The following OSBP2 variants were observed in gnomAD, a reference collection of about 807,000 sequenced individuals.
OSBP2 encodes oxysterol-binding protein 2.
In OSBP2, 66 loss-of-function variants were observed where a neutral mutation model predicts 96.0. That is an observed-to-expected ratio of 0.69 (90% confidence interval 0.56 to 0.84). The LOEUF is 0.84. Among genes scored for constraint, OSBP2 ranks in the 40% least tolerant of loss-of-function variants. OSBP2 has a pLI of 0.00. For synonymous variants in OSBP2, 525 were observed against 520.9 expected (o/e 1.01, Z -0.11); for missense variants, 1,038 against 1,222.7 (o/e 0.85, Z 2.25).
At chr22:30,782,337 C>T (rs1423429101) in intron 2 of OSBP2, among the ~76,000 whole-genome samples, 1 of 152,168 alleles carries the variant, frequency 6.6e-6, no homozygotes, top group Non-Finnish European at 1.5e-5. Context: ...AACCACTAAT[C>T]TACTTTCTTG....
intron 1 of OSBP2, among the ~76,000 whole-genome samples, chr22:30,702,053 C>G (rs1425209971): frequency 6.6e-6 from 1 of 152,186 alleles, no homozygotes; most frequent in Non-Finnish European, 1.5e-5. Flanking sequence ...CTCCTAACTC[C>G]TCTTTCTATG....
chr22:30,741,823 T>C (rs999349175), intron 2 of OSBP2, among the ~76,000 whole-genome samples: 2 of 150,098 alleles, frequency 1.3e-5, no homozygotes, highest in Admixed American at 1.3e-4. Flanking sequence ...ACTTTATAAA[T>C]TTATTTTATT....
At chr22:30,801,926 A>G (rs1391748254) in intron 2 of OSBP2, among the ~76,000 whole-genome samples, 2 of 152,326 alleles carry the variant, frequency 1.3e-5, no homozygotes, top group East Asian at 1.9e-4. Flanking sequence ...GCAGTGAGCT[A>G]TGATCATGTC....
In OSBP2 at chr22:30,709,190, C is replaced by T. The variant is rs182770210; in HGVS notation, c.644+13637C>T. 5.2e-3 allele frequency among the ~76,000 whole-genome samples: 798 copies of T among 152,250 alleles called. 6 individuals are homozygous for T. The highest frequency in any genetic ancestry group is 0.018 in the African/African-American group (742 of 41,568). On this transcript the variant is annotated intron_variant, in intron 1 of 13. Transcript: ENST00000332585. ...AACTAAAACAAGTTAACAATCATTC[C>T]TTATCATCAGCTATCCAATCAGTGT... is the stretch of plus-strand genomic sequence containing the variant.
chr22:30,725,185 A>AC (rs1385760109), intron 1 of OSBP2, among the ~76,000 whole-genome samples: 3 of 94,074 alleles, frequency 3.2e-5, no homozygotes, highest in Admixed American at 9.8e-5. Flanking sequence ...CAAAAACAAA[A>AC]AAACAAAAAA....
intron 1 of OSBP2, among the ~76,000 whole-genome samples, chr22:30,701,037 G>C (rs2089152148): frequency 6.6e-6 from 1 of 151,830 alleles, no homozygotes; most frequent in Non-Finnish European, 1.5e-5. Context: ...AGAGGTTGCA[G>C]TGAGCCGAGA....
intron 2 of OSBP2, among the ~76,000 whole-genome samples, chr22:30,838,619 T>G (rs538634122): frequency 6.6e-6 from 1 of 152,302 alleles, no homozygotes; most frequent in South Asian, 2.1e-4. Context: ...AGATCTCTTA[T>G]CAAGTTGAGC....
chr22:30,785,566 CA>C (rs762870932), intron 2 of OSBP2, among the ~76,000 whole-genome samples: 51 of 48,012 alleles, frequency 1.1e-3, no homozygotes, highest in South Asian at 2.6e-3. Context: ...GACTTCGTCT[CA>C]AAAAAAAAAA....
intron 2 of OSBP2, among the ~76,000 whole-genome samples, chr22:30,775,876 A>G (rs35625895): frequency 4.0e-5 from 6 of 151,586 alleles, no homozygotes; most frequent in African/African-American, 1.5e-4. Flanking sequence ...GCTCATTGCA[A>G]CTTGCTGCCT....
At chr22:30,826,004 C>A (rs542416619) in intron 2 of OSBP2, among the ~76,000 whole-genome samples, 2 of 152,072 alleles carry the variant, frequency 1.3e-5, no homozygotes, top group African/African-American at 4.8e-5. Context: ...TTTGCACAGA[C>A]CCCCAGAAAA....
intron 1 of OSBP2, among the ~76,000 whole-genome samples, chr22:30,704,951 A>G (rs1226784629): frequency 6.6e-6 from 1 of 152,212 alleles, no homozygotes; most frequent in Admixed American, 6.5e-5. Context: ...GTGTGAACTC[A>G]TTCCTCCTTG....
intron 2 of OSBP2, among the ~76,000 whole-genome samples, chr22:30,751,021 G>T (rs1447311588): frequency 6.6e-6 from 1 of 152,160 alleles, no homozygotes; most frequent in East Asian, 1.9e-4. Flanking sequence ...GATTACAGGC[G>T]TGAGCCACTG....
chr22:30,861,937 T>C (rs2040802), intron 2 of OSBP2, among the ~76,000 whole-genome samples: 70,114 of 151,938 alleles, frequency 0.46, 16,754 homozygotes, highest in East Asian at 0.65. Flanking sequence ...GAGCGGCATC[T>C]TCCTCCCGTG....
intron 3 of OSBP2, among the ~76,000 whole-genome samples, chr22:30,872,876 C>T (rs1430713285): frequency 6.6e-6 from 1 of 152,218 alleles, no homozygotes; most frequent in South Asian, 2.1e-4. Flanking sequence ...GTTCAGCCCC[C>T]ACTGTGTGCA....
At chr22:30,699,472 T>C (rs1435145780) in intron 1 of OSBP2, among the ~76,000 whole-genome samples, 1 of 152,210 alleles carries the variant, frequency 6.6e-6, no homozygotes, top group East Asian at 1.9e-4. Context: ...TCATCTTACG[T>C]AATGCCAAAC....
At chr22:30,843,428 C>T (rs113836498) in intron 2 of OSBP2, among the ~76,000 whole-genome samples, 9 of 137,114 alleles carry the variant, frequency 6.6e-5, no homozygotes, top group African/African-American at 2.1e-4. Context: ...AGCCACAGTA[C>T]GTTTTCAGGA....
intron 2 of OSBP2, among the ~76,000 whole-genome samples, chr22:30,828,062 C>T (rs1475443665): frequency 1.3e-5 from 2 of 152,088 alleles, no homozygotes; most frequent in African/African-American, 4.8e-5. Context: ...GTGAAGGCCA[C>T]AGTGGGTGGG....
chr22:30,865,085 G>C (rs1280293899), intron 2 of OSBP2, among the ~76,000 whole-genome samples: 1 of 152,130 alleles, frequency 6.6e-6, no homozygotes, highest in Admixed American at 6.5e-5. Context: ...TGAGAAAAAA[G>C]CTCCACTTCT....
chr22:30,884,872 G>A (rs1355191278), intron 3 of OSBP2, among the ~76,000 whole-genome samples: 1 of 152,238 alleles, frequency 6.6e-6, no homozygotes, highest in Non-Finnish European at 1.5e-5. Context: ...TGATTCAGGG[G>A]CATTCCTGGC....
Sources: gnomAD v4.1 joint callset for allele counts (sites outside exome capture counted in the v4.1 genomes callset) on GRCh38, gnomAD v4.1.1 for gene constraint, MANE v1.5 for transcripts, NCBI Gene and HGNC (gene_info 2026-07-23, HGNC 2026-07-21) for gene names.